The following GLG1 variants were observed in gnomAD, a reference collection of about 807,000 sequenced individuals.
GLG1 encodes Golgi apparatus protein 1.
A neutral mutation model predicts 160.5 loss-of-function variants in GLG1; 38 were observed. That is an observed-to-expected ratio of 0.24 (90% confidence interval 0.18 to 0.31). The LOEUF (loss-of-function observed/expected upper bound fraction) is 0.31, where lower values mean the gene tolerates loss of function less well. Among genes scored for constraint, GLG1 ranks in the 10% least tolerant of loss-of-function variants. The pLI is 1.00. For missense variants in GLG1, 1,373 were observed against 1,505.2 expected (o/e 0.91, Z 1.45); for synonymous variants, 644 against 543.4 (o/e 1.19, Z -2.57).
intron 1 of GLG1, among the ~76,000 whole-genome samples, chr16:74,570,154 A>T (rs894240084): frequency 1.3e-5 from 2 of 152,218 alleles, no homozygotes; most frequent in African/African-American, 2.4e-5. Context: ...AAAATCAATC[A>T]GAATAATAAA....
chr16:74,575,311 C>T (rs998836323), intron 1 of GLG1, among the ~76,000 whole-genome samples: 3 of 152,074 alleles, frequency 2.0e-5, no homozygotes, highest in African/African-American at 7.2e-5. Context: ...CTGAATCACA[C>T]ACTGATTTTG....
At chr16:74,600,049 A>G (rs534807625) in intron 1 of GLG1, among the ~76,000 whole-genome samples, 2 of 151,904 alleles carry the variant, frequency 1.3e-5, no homozygotes, top group East Asian at 1.9e-4. Flanking sequence ...AAAGCAAAAC[A>G]AAACAAAAAA....
chr16:74,551,085 CA>C (rs1185215645), intron 1 of GLG1, among the ~76,000 whole-genome samples: 4 of 152,158 alleles, frequency 2.6e-5, no homozygotes, highest in African/African-American at 4.8e-5. Context: ...ATTCTAATAA[CA>C]ATTTCAAATG....
intron 7 of GLG1, among the ~76,000 whole-genome samples, chr16:74,492,070 A>C (rs1159891974): frequency 6.6e-6 from 1 of 151,628 alleles, no homozygotes; most frequent in Non-Finnish European, 1.5e-5. Context: ...TCTCCTCAAA[A>C]TGTTGCACAA....
chr16:74,513,091 CA>C lies in GLG1; in HGVS notation c.472-4167del, dbSNP rs1426629017. ...AGGGGTCAGATCACATTGAATACCG[CA>C]GTTCATATTAAAGGTTTTGAATTTT... On this transcript the variant is annotated intron_variant, in intron 2 of 25. Transcript: ENST00000422840. 2.0e-5 allele frequency among the ~76,000 whole-genome samples: 3 copies of C among 152,176 alleles called. No individual in the cohort carries two copies. The East Asian group carries it at 5.8e-4, about 29-fold the overall frequency.
At chr16:74,590,324 T>G (rs1399825122) in intron 1 of GLG1, among the ~76,000 whole-genome samples, 4 of 151,810 alleles carry the variant, frequency 2.6e-5, no homozygotes, top group Non-Finnish European at 5.9e-5. Flanking sequence ...TTTACCATTA[T>G]AAGAAGTTTC....
intron 1 of GLG1, among the ~76,000 whole-genome samples, chr16:74,582,774 C>G (rs1343792780): frequency 1.3e-5 from 2 of 151,646 alleles, no homozygotes; most frequent in Non-Finnish European, 2.9e-5. Flanking sequence ...GAGCCGAGAT[C>G]GCGCCACTGC....
At position 74,449,468 on chromosome 16, in the gene GLG1, T is replaced by C. The variant is rs1428703357; in HGVS notation, c.*3699A>G. 6.6e-6 allele frequency: 1 copy of C among 152,134 alleles called. No homozygotes were observed. Among genetic ancestry groups the C allele is most frequent in the African/African-American group, 2.4e-5 (1 of 41,424 alleles). 9.4% of individuals were successfully genotyped at this position (152,134 alleles called of 1,614,324 possible). A position where few individuals can be genotyped will look rare whatever the true frequency, so the allele number is the denominator to read the frequency against. ...GTGTGCCTTGATAAAACGTAAAACATGAATGAAGACACTCTCACCATTAGA... is the reference window on the plus strand; with the variant it reads ...GTGTGCCTTGATAAAACGTAAAACACGAATGAAGACACTCTCACCATTAGA... On this transcript the variant is annotated 3_prime_UTR_variant, in exon 26 of 26. Transcript: ENST00000422840.
intron 1 of GLG1, among the ~76,000 whole-genome samples, chr16:74,562,568 T>G (rs191787657): frequency 6.3e-4 from 96 of 152,338 alleles, no homozygotes; most frequent in African/African-American, 2.2e-3. Context: ...CAAGCAATTC[T>G]TGTGCCTCAG....
At chr16:74,579,400 A>G (rs1317897548) in intron 1 of GLG1, among the ~76,000 whole-genome samples, 4 of 151,726 alleles carry the variant, frequency 2.6e-5, no homozygotes. Flanking sequence ...TGGGTGACAA[A>G]ATGAGAACTT....
rs965985338 is a variant in GLG1, at chr16:74,562,609, G to A, written c.439-30456C>T. ...CAAGCAGCTGGGATTACAGGCATGC[G>A]CCACCACACCCAGCTAATTTTTGTA... On this transcript the variant is annotated intron_variant, in intron 1 of 25. Transcript: ENST00000422840. Among the ~76,000 whole-genome samples, 6 of 152,222 alleles carry A rather than the reference G, an allele frequency of 3.9e-5. No individual in the cohort carries two copies. In the East Asian group the frequency reaches 5.8e-4, roughly 15 times the overall value.
chr16:74,506,170 G>A (rs938854650), intron 3 of GLG1, among the ~76,000 whole-genome samples: 1 of 139,402 alleles, frequency 7.2e-6, no homozygotes, highest in East Asian at 2.2e-4. Context: ...CCCAGCACTT[G>A]TAATTCAACC....
chr16:74,457,616 ACCT>A (rs1221852475), intron 24 of GLG1, among the ~76,000 whole-genome samples: 1 of 152,038 alleles, frequency 6.6e-6, no homozygotes, highest in Non-Finnish European at 1.5e-5. Flanking sequence ...CCTAATAAAT[ACCT>A]CAATTCTCCC....
At chr16:74,568,475 T>C (rs2018723942) in intron 1 of GLG1, among the ~76,000 whole-genome samples, 1 of 150,378 alleles carries the variant, frequency 6.6e-6, no homozygotes, top group African/African-American at 2.4e-5. Context: ...TGGAGTGCAA[T>C]GGCATGATCT....
intron 18 of GLG1, 115 bp from the exon 19 acceptor site, chr16:74,465,928 C>T: frequency 1.1e-6 from 1 of 883,074 alleles, no homozygotes; most frequent in African/African-American, 1.7e-5. Context: ...ATTTCTCATT[C>T]CCAGGCAATC....
chr16:74,566,320 T>C (rs1276100173), intron 1 of GLG1, among the ~76,000 whole-genome samples: 1 of 152,258 alleles, frequency 6.6e-6, no homozygotes, highest in Non-Finnish European at 1.5e-5. Flanking sequence ...GATTCTTCTC[T>C]ACAGGACATT....
At chr16:74,546,935 T>C (rs1301543413) in intron 1 of GLG1, among the ~76,000 whole-genome samples, 2 of 151,100 alleles carry the variant, frequency 1.3e-5, no homozygotes, top group Admixed American at 6.6e-5. Flanking sequence ...GAGAGAAGCC[T>C]TCCTTCCCCA....
At chr16:74,606,294 T>C (rs1196692402) in intron 1 of GLG1, among the ~76,000 whole-genome samples, 1 of 152,228 alleles carries the variant, frequency 6.6e-6, no homozygotes, top group Admixed American at 6.5e-5. Context: ...CAAATTGTCC[T>C]AGTCGAAACT....
chr16:74,447,809 A>T lies in GLG1; in HGVS notation c.*5358T>A, dbSNP rs2014127602. The stretch of plus-strand genomic sequence containing the variant: ...TCTCTGCCCAGTGCACTGCAGGGGG[A>T]CCTGGAGGGCCCATTTCTACCACCC... On this transcript the variant is annotated 3_prime_UTR_variant, in exon 26 of 26. Coordinates refer to ENST00000422840, the MANE Select transcript of GLG1 (RefSeq NM_001145667.2). 1 of 152,242 alleles carries T rather than the reference A, an allele frequency of 6.6e-6. No individual in the cohort carries two copies. The highest frequency in any genetic ancestry group is 2.1e-4 in the South Asian group (1 of 4,836). The allele number at this position is 152,242 out of a possible 1,614,324, so 9.4% of individuals were successfully genotyped here.
Sources: allele counts gnomAD v4.1 joint callset (sites outside exome capture counted in the v4.1 genomes callset), GRCh38; gene constraint gnomAD v4.1.1; transcripts MANE v1.5; gene names NCBI Gene and HGNC (gene_info 2026-07-23, HGNC 2026-07-21).